TMEM200A: variants seen among roughly 807,000 people sequenced by gnomAD.
TMEM200A encodes the protein transmembrane protein 200A, also known as two transmembrane C.
In TMEM200A, 12 loss-of-function variants were observed where a neutral mutation model predicts 24.3. That is an observed-to-expected ratio of 0.49 (90% CI 0.32 to 0.80). TMEM200A has a LOEUF of 0.80. TMEM200A is among the 30% of genes least tolerant of loss of function. TMEM200A has a pLI of 0.04. For missense variants in TMEM200A, 545 were observed against 614.4 expected (o/e 0.89, Z 1.19); for synonymous variants, 224 against 224.4 (o/e 1.00, Z 0.02).
intron 2 of TMEM200A, among the ~76,000 whole-genome samples, chr6:130,435,022 A>G (rs922404304): frequency 1.3e-5 from 2 of 151,552 alleles, no homozygotes; most frequent in Non-Finnish European, 2.9e-5. Flanking sequence ...ATTGCTTAGC[A>G]AAATTGTGGC....
intron 2 of TMEM200A, among the ~76,000 whole-genome samples, chr6:130,440,056 GAAGAGA>G (rs1485429642): frequency 2.9e-5 from 4 of 136,698 alleles, no homozygotes; most frequent in African/African-American, 7.5e-5. Context: ...GAGAGAGAGA[GAAGAGA>G]AAGAGTGAGC....
chr6:130,441,873 G>A lies in TMEM200A; in HGVS notation c.1451G>A (p.Arg484Lys). The change falls in exon 3 of 3, where the codon AGG (arginine) becomes AAG (lysine). Residue 484 changes from arginine (R) to lysine (K), a missense_variant. Coordinates refer to ENST00000296978, the MANE Select transcript of TMEM200A (RefSeq NM_001258277.2). ...HDEFLSNNLK[R>K]GTSETRF ...GAGTTTTTGAGTAACAACCTAAAGA[G>A]GGGAACTTCTGAAACAAGGTTTTAA... is the stretch of plus-strand genomic sequence containing the variant. 2 of 1,603,868 alleles carry A rather than the reference G, an allele frequency of 1.2e-6. No individual in the cohort carries two copies. The highest frequency in any genetic ancestry group is 1.7e-6 in the Non-Finnish European group (2 of 1,176,138).
intron 2 of TMEM200A, among the ~76,000 whole-genome samples, chr6:130,411,729 G>A (rs1779334411): frequency 6.6e-6 from 1 of 152,158 alleles, no homozygotes; most frequent in Non-Finnish European, 1.5e-5. Flanking sequence ...AGGTTTGGCA[G>A]GATTATCACA....
At chr6:130,397,137 A>T (rs1283708365) in intron 2 of TMEM200A, among the ~76,000 whole-genome samples, 4 of 151,922 alleles carry the variant, frequency 2.6e-5, no homozygotes, top group Admixed American at 6.6e-5. Flanking sequence ...TGGTTATATC[A>T]TCCATCCCTT....
intron 2 of TMEM200A, among the ~76,000 whole-genome samples, chr6:130,401,993 G>T: frequency 6.6e-6 from 1 of 151,406 alleles, no homozygotes; most frequent in Middle Eastern, 3.2e-3. Flanking sequence ...CTTTCTGTTT[G>T]CTGTTTGTGC....
Position 130,366,040 on chromosome 6 carries a change from T to A in TMEM200A, c.-565T>A, listed in dbSNP as rs1034386943. On this transcript the variant is annotated 5_prime_UTR_variant, in exon 1 of 3. Transcript: ENST00000296978. The surrounding 1 kb of genome is among the most constrained non-coding windows in gnomAD (Gnocchi z 4.4). ...CCATCTGGAGCCGAGCAGAAAACTT[T>A]TCCCCTCCCGTTCCCGGTCCCTTTT... 3 of 985,460 alleles carry A rather than the reference T, an allele frequency of 3.0e-6. No individual in the cohort carries two copies. The highest frequency in any genetic ancestry group is 3.6e-6 in the Non-Finnish European group (3 of 830,068). The allele number at this position is 985,460 out of a possible 1,614,324, so 61.0% of individuals were successfully genotyped here. A position where few individuals can be genotyped will look rare whatever the true frequency, so the allele number is the denominator to read the frequency against.
chr6:130,440,394 T>C lies in TMEM200A; in HGVS notation c.-16-13T>C, dbSNP rs150802568. 2 of 1,508,546 alleles carry C rather than the reference T, an allele frequency of 1.3e-6. No individual in the cohort carries two copies. The highest frequency in any genetic ancestry group is 1.4e-5 in the African/African-American group (1 of 71,594). The allele number at this position is 1,508,546 out of a possible 1,614,324, so 93.4% of individuals were successfully genotyped here. On this transcript the variant is annotated splice_polypyrimidine_tract_variant and intron_variant, in intron 2 of 2. Coordinates refer to ENST00000296978, the MANE Select transcript of TMEM200A (RefSeq NM_001258277.2). ...ATTTACATCATCTTTTTCCTTTTTT[T>C]TTTCTTCTTCAGAGTAAAAGGCCAA...
At chr6:130,423,374 T>G (rs548232721) in intron 2 of TMEM200A, among the ~76,000 whole-genome samples, 3 of 152,306 alleles carry the variant, frequency 2.0e-5, no homozygotes, top group Non-Finnish European at 4.4e-5. Flanking sequence ...TCACTTAACA[T>G]ATTTACTGAA....
chr6:130,426,460 G>GCC (rs762866765), intron 2 of TMEM200A, among the ~76,000 whole-genome samples: 2,883 of 140,840 alleles, frequency 0.02, 99 homozygotes, highest in African/African-American at 0.057. Context: ...CCTTTCTGCA[G>GCC]CCCCCCCCCC....
chr6:130,391,139 G>A (rs1778822775), intron 2 of TMEM200A, among the ~76,000 whole-genome samples: 1 of 151,872 alleles, frequency 6.6e-6, no homozygotes, highest in Non-Finnish European at 1.5e-5. Flanking sequence ...CCAGCCCCTA[G>A]AGGGTAGTGT....
chr6:130,377,383 T>C (rs1168061996), intron 1 of TMEM200A, among the ~76,000 whole-genome samples: 1 of 152,210 alleles, frequency 6.6e-6, no homozygotes, highest in Non-Finnish European at 1.5e-5. Context: ...CCAATTCTTA[T>C]TTCTAGAGAT....
At chr6:130,388,940 T>C (rs1583185211) in intron 2 of TMEM200A, among the ~76,000 whole-genome samples, 1 of 152,126 alleles carries the variant, frequency 6.6e-6, no homozygotes, top group Admixed American at 6.5e-5. Context: ...ACCTAAATCA[T>C]GTTTTGAACA....
intron 2 of TMEM200A, among the ~76,000 whole-genome samples, chr6:130,394,870 C>T (rs1159054919): frequency 6.6e-6 from 1 of 152,098 alleles, no homozygotes. Context: ...ATCACAGAAT[C>T]CTAAACTTGT....
chr6:130,413,851 C>T (rs1583210630), intron 2 of TMEM200A, among the ~76,000 whole-genome samples: 1 of 152,146 alleles, frequency 6.6e-6, no homozygotes, highest in African/African-American at 2.4e-5. Flanking sequence ...ACATATCAAA[C>T]TTTTTGCTGC....
At chr6:130,411,935 T>C (rs1384865197) in intron 2 of TMEM200A, among the ~76,000 whole-genome samples, 2 of 152,204 alleles carry the variant, frequency 1.3e-5, no homozygotes, top group East Asian at 3.8e-4. Flanking sequence ...AAAGTATCAA[T>C]GTATACGTTT....
At chr6:130,440,265 TA>T in intron 2 of TMEM200A, 141 bp from the exon 3 acceptor site, 8 of 782,680 alleles carry the variant, frequency 1.0e-5, no homozygotes, top group South Asian at 5.0e-5. Flanking sequence ...CTATGTCAAT[TA>T]AAAAAATATT....
intron 2 of TMEM200A, among the ~76,000 whole-genome samples, chr6:130,426,207 C>T (rs528851554): frequency 1.3e-5 from 2 of 152,232 alleles, no homozygotes; most frequent in South Asian, 2.1e-4. Flanking sequence ...GGGCCAGGGA[C>T]AGTGGCCTCT....
chr6:130,385,780 C>T (rs76898147), intron 2 of TMEM200A, among the ~76,000 whole-genome samples: 4,217 of 152,208 alleles, frequency 0.028, 74 homozygotes, highest in African/African-American at 0.043. Flanking sequence ...TTTCATGATG[C>T]TATGTAATCT....
intron 2 of TMEM200A, among the ~76,000 whole-genome samples, chr6:130,413,633 A>G (rs951345559): frequency 5.9e-5 from 9 of 152,036 alleles, no homozygotes; most frequent in Non-Finnish European, 1.2e-4. Flanking sequence ...AGCCACCAAC[A>G]TCCTTCACCT....
Sources: allele counts gnomAD v4.1 joint callset (sites outside exome capture counted in the v4.1 genomes callset), GRCh38; gene constraint gnomAD v4.1.1; non-coding constraint Gnocchi (gnomAD v3.1); transcripts MANE v1.5; gene names NCBI Gene and HGNC (gene_info 2026-07-23, HGNC 2026-07-21).